Variants in EFCAB8 observed in about 807,000 individuals in gnomAD.
The protein encoded by EFCAB8 is EF-hand calcium binding domain 8.
In EFCAB8, 100 loss-of-function variants were observed where a neutral mutation model predicts 116.3. That is an observed-to-expected ratio of 0.86 (90% CI 0.73 to 1.02). EFCAB8 has a LOEUF of 1.02. EFCAB8 is among the 50% of genes least tolerant of loss of function. The probability of loss-of-function intolerance (pLI) is 0.00; values close to 1 mark genes in which losing one functional copy is unlikely to be tolerated. For missense variants in EFCAB8, 1,320 were observed against 1,416.9 expected, an observed-to-expected ratio of 0.93 and a Z score of 1.10; for synonymous variants, 558 against 567.9, an observed-to-expected ratio of 0.98 and a Z score of 0.25.
chr20:32,923,529 T>C (rs907148055), intron 20 of EFCAB8, among the ~76,000 whole-genome samples: 1 of 152,102 alleles, frequency 6.6e-6, no homozygotes, highest in Admixed American at 6.6e-5. Flanking sequence ...AATGAAACTT[T>C]ATACGAGTGT....
In EFCAB8 at chr20:32,939,999, G is replaced by GCCTCCCTC. The variant is rs1173361139; in HGVS notation, c.2791-3634_2791-3633insCCCTCCCT. Among the ~76,000 whole-genome samples, 102 of 63,490 alleles carry GCCTCCCTC rather than the reference G, an allele frequency of 1.6e-3. 10 individuals carry two copies. Among genetic ancestry groups the GCCTCCCTC allele is most frequent in the African/African-American group, 4.7e-3 (84 of 17,866 alleles). 41.7% of individuals were successfully genotyped at this position (63,490 alleles called of 152,430 possible). On this transcript the variant is annotated intron_variant, in intron 22 of 26. Transcript: ENST00000400522. The stretch of plus-strand genomic sequence containing the variant: ...CATGAGCCACTGTGCCTGCCTGCCT[G>GCCTCCCTC]CCTGCCTCCCTCCCTCCCTCCCTCC...
Position 32,918,524 on chromosome 20 carries a change from G to C in EFCAB8, c.2224G>C (p.Val742Leu), listed in dbSNP as rs1161286664. Residue 742 changes from valine (V) to leucine (L), a missense_variant, in exon 19 of 27, where the codon GTG (valine) becomes CTG (leucine). Val to Leu is a conservative substitution (Grantham distance 32). Coordinates refer to ENST00000400522, the MANE Select transcript of EFCAB8 (RefSeq NM_001143967.2). ...LRRSLVSAPP[V>L]MRCPRDKEPD... The stretch of plus-strand genomic sequence containing the variant: ...GCGGAGCCTGGTGTCGGCTCCCCCA[G>C]TGATGCGGTGCCCGAGAGACAAGGA... 1.9e-6 allele frequency: 3 copies of C among 1,551,712 alleles called. No individual in the cohort carries two copies. The highest frequency in any genetic ancestry group is 2.4e-5 in the East Asian group (1 of 40,922).
chr20:32,908,405 C>T lies in EFCAB8; in HGVS notation c.1439C>T (p.Thr480Ile). The change falls in exon 14 of 27, where the codon ACC (threonine) becomes ATC (isoleucine). Residue 480 changes from threonine to isoleucine, a missense_variant. Thr to Ile is a moderately conservative substitution (Grantham distance 89). Coordinates refer to ENST00000400522, the MANE Select transcript of EFCAB8 (RefSeq NM_001143967.2). ...FEKDNTLICS[T>I]YSIGILKGYL... ...AAGGACAATACCCTCATCTGCAGCA[C>T]CTACTCAGTGAGTGCTGTCCCAGGA... The T allele has an allele frequency of 2.4e-6, 3 of 1,249,974 alleles. No individual in the cohort carries two copies. The highest frequency in any genetic ancestry group is 8.2e-5 in the South Asian group (2 of 24,416). 77.4% of individuals were successfully genotyped at this position (1,249,974 alleles called of 1,614,324 possible).
At chr20:32,867,842 A>C (rs1984503403) in intron 3 of EFCAB8, 95 bp downstream of exon 3, 2 of 1,220,804 alleles carry the variant, frequency 1.6e-6, no homozygotes, top group South Asian at 1.8e-5. Flanking sequence ...CATAATAAGC[A>C]TTTTTTTTTT....
chr20:32,953,265 A>T (rs1046274881), intron 23 of EFCAB8, among the ~76,000 whole-genome samples: 1 of 152,152 alleles, frequency 6.6e-6, no homozygotes, highest in South Asian at 2.1e-4. Context: ...GCTGTTGTGA[A>T]TTGTGCTTCT....
At chr20:32,880,898 C>CATAT (rs148811292) in intron 5 of EFCAB8, among the ~76,000 whole-genome samples, 9 of 151,780 alleles carry the variant, frequency 5.9e-5, no homozygotes, top group South Asian at 4.2e-4. Context: ...GTGGGCAAAA[C>CATAT]ATATATATAT....
chr20:32,939,682 CTTCT>C (rs1285552809), intron 22 of EFCAB8, among the ~76,000 whole-genome samples: 1 of 139,016 alleles, frequency 7.2e-6, no homozygotes, highest in Non-Finnish European at 1.6e-5. Flanking sequence ...CCCTTCCTTC[CTTCT>C]CTCTCTCTCT....
At chr20:32,900,738 T>G (rs2146225826) in intron 11 of EFCAB8, among the ~76,000 whole-genome samples, 1 of 152,286 alleles carries the variant, frequency 6.6e-6, no homozygotes, top group South Asian at 2.1e-4. Flanking sequence ...GGTTAATTTT[T>G]TTTCATATTT....
chr20:32,920,802 G>A (rs1303149393), intron 20 of EFCAB8, among the ~76,000 whole-genome samples: 1 of 152,140 alleles, frequency 6.6e-6, no homozygotes, highest in Non-Finnish European at 1.5e-5. Context: ...AGGGAAGTGA[G>A]CAGTGTCCCC....
intron 1 of EFCAB8, among the ~76,000 whole-genome samples, chr20:32,860,672 T>C (rs528844852): frequency 6.7e-4 from 102 of 152,132 alleles, no homozygotes; most frequent in Non-Finnish European, 1.1e-3. Flanking sequence ...GTGCCCAGGC[T>C]ATTTTTTCAT....
chr20:32,872,274 C>T (rs780253395), intron 3 of EFCAB8, among the ~76,000 whole-genome samples: 17 of 152,176 alleles, frequency 1.1e-4, no homozygotes, highest in Non-Finnish European at 1.0e-4. Flanking sequence ...AACCACGCCT[C>T]TCTGTGCCAC....
chr20:32,919,758 C>G (rs1882902217), intron 19 of EFCAB8, among the ~76,000 whole-genome samples: 1 of 152,156 alleles, frequency 6.6e-6, no homozygotes, highest in African/African-American at 2.4e-5. Flanking sequence ...CTCAGCCTCC[C>G]AAAGTGCTGG....
At chr20:32,961,094 C>T (rs1989134259) in intron 26 of EFCAB8, 42 bp from the exon 27 acceptor site, 1 of 1,522,764 alleles carries the variant, frequency 6.6e-7, no homozygotes, top group East Asian at 2.5e-5. Context: ...TCCCCGGCTC[C>T]AACTGGTGCC....
At position 32,931,319 on chromosome 20, in the gene EFCAB8, C is replaced by G; in HGVS notation, c.2773C>G (p.Pro925Ala). The change falls in exon 22 of 27, where the codon CCC becomes GCC. Residue 925 changes from proline to alanine, a missense_variant. Physicochemically the swap from Pro to Ala is conservative, Grantham distance 27 (BLOSUM62 -1). Coordinates refer to ENST00000400522, the MANE Select transcript of EFCAB8 (RefSeq NM_001143967.2). ...TGGGACCAACTTCCCACACTACATT[C>G]CCTTGGAGGATAAAGAGGTAGGAGG... ...QLGTNFPHYI[P>A]LEDKEVVAGH... 1 of 1,546,392 alleles carries G rather than the reference C, an allele frequency of 6.5e-7. No homozygotes were observed. The highest frequency in any genetic ancestry group is 8.7e-7 in the Non-Finnish European group (1 of 1,144,644).
chr20:32,918,607 T>G (rs1398293263), intron 19 of EFCAB8, 33 bp downstream of exon 19: 1 of 1,544,794 alleles, frequency 6.5e-7, no homozygotes, highest in Admixed American at 2.0e-5. Flanking sequence ...AAGGCTACCC[T>G]CACTCTCTAG....
intron 13 of EFCAB8, 31 bp from the exon 14 acceptor site, chr20:32,908,244 C>T (rs1198569679): frequency 3.2e-6 from 4 of 1,249,310 alleles, no homozygotes; most frequent in Non-Finnish European, 4.0e-6. Context: ...GAGACCCATG[C>T]TCAGCGTCTT....
intron 11 of EFCAB8, among the ~76,000 whole-genome samples, chr20:32,900,315 G>A (rs1986365911): frequency 6.6e-6 from 1 of 152,150 alleles, no homozygotes; most frequent in Non-Finnish European, 1.5e-5. Flanking sequence ...GCAGACACTT[G>A]AGCTGGAGTT....
rs756188859 is a variant in EFCAB8, at chr20:32,961,218, C to CAGACCAGCA, written c.3486_3494dup (p.Gln1162_Gln1164dup). On this transcript the variant is annotated inframe_insertion, in exon 27 of 27. Coordinates refer to ENST00000400522, the MANE Select transcript of EFCAB8 (RefSeq NM_001143967.2). ...CCTGACTTCCTGACCAGCAGGGGCC[C>CAGACCAGCA]AGACCAGCAAGACCAGCACATCCGC... 40 of 1,551,922 alleles carry CAGACCAGCA rather than the reference C, an allele frequency of 2.6e-5. No individual in the cohort carries two copies. Among genetic ancestry groups the CAGACCAGCA allele is most frequent in the Non-Finnish European group, 3.2e-5 (37 of 1,147,000 alleles).
intron 5 of EFCAB8, among the ~76,000 whole-genome samples, chr20:32,879,927 C>G (rs575219326): frequency 6.6e-6 from 1 of 152,158 alleles, no homozygotes; most frequent in African/African-American, 2.4e-5. Context: ...TGATCTGCCT[C>G]GCTGTGTGTT....
Sources: allele counts gnomAD v4.1 joint callset (sites outside exome capture counted in the v4.1 genomes callset), GRCh38; gene constraint gnomAD v4.1.1; transcripts MANE v1.5; gene names NCBI Gene and HGNC (gene_info 2026-07-23, HGNC 2026-07-21).